Variants in FNDC3A observed in about 807,000 individuals in gnomAD.
FNDC3A encodes the protein fibronectin type III domain containing 3A, also known as fibronectin type-III domain-containing protein 3A.
Under a neutral mutation model 148.9 loss-of-function variants are expected in FNDC3A, and 32 were observed. That is an observed-to-expected ratio of 0.21 (90% CI 0.16 to 0.29). FNDC3A has a LOEUF of 0.29. Among genes scored for constraint, FNDC3A ranks in the 10% least tolerant of loss-of-function variants. The pLI, the probability that FNDC3A is intolerant of heterozygous loss-of-function variation, is 1.00. For missense variants in FNDC3A, 1,191 were observed against 1,452.8 expected, an observed-to-expected ratio of 0.82 and a Z score of 2.93; for synonymous variants, 472 against 473.6, an observed-to-expected ratio of 1.00 and a Z score of 0.04.
At chr13:49,129,173 T>C (rs1881881252) in intron 4 of FNDC3A, among the ~76,000 whole-genome samples, 1 of 152,208 alleles carries the variant, frequency 6.6e-6, no homozygotes, top group Non-Finnish European at 1.5e-5. Context: ...GTGGAGAAGG[T>C]AAAGTTAGAG....
chr13:48,983,952 A>G (rs1671977926), intron 1 of FNDC3A, among the ~76,000 whole-genome samples: 1 of 152,198 alleles, frequency 6.6e-6, no homozygotes, highest in Non-Finnish European at 1.5e-5. Context: ...TACAAATACA[A>G]ATAAATATAA....
chr13:49,054,012 A>T (rs1876047343), intron 2 of FNDC3A, among the ~76,000 whole-genome samples: 1 of 152,108 alleles, frequency 6.6e-6, no homozygotes, highest in Non-Finnish European at 1.5e-5. Context: ...TGTTTCTGCA[A>T]AGAGTCTGTT....
At chr13:49,157,553 G>A (rs1162872417) in intron 8 of FNDC3A, among the ~76,000 whole-genome samples, 368 of 150,686 alleles carry the variant, frequency 2.4e-3, no homozygotes, top group African/African-American at 8.4e-3. Flanking sequence ...GCTTTGTTCC[G>A]TTGCTGGTGA....
At chr13:49,012,009 GA>G (rs1232851070) in intron 2 of FNDC3A, among the ~76,000 whole-genome samples, 1 of 151,954 alleles carries the variant, frequency 6.6e-6, no homozygotes, top group Non-Finnish European at 1.5e-5. Context: ...ACTGTTTATT[GA>G]AAAAACTGTT....
intron 3 of FNDC3A, among the ~76,000 whole-genome samples, chr13:49,104,645 A>C (rs1170794824): frequency 6.6e-6 from 1 of 152,244 alleles, no homozygotes; most frequent in African/African-American, 2.4e-5. Context: ...TATTAAAAAA[A>C]GATCTTCTGT....
intron 2 of FNDC3A, among the ~76,000 whole-genome samples, chr13:49,025,918 C>G (rs948689825): frequency 6.6e-6 from 1 of 152,170 alleles, no homozygotes; most frequent in African/African-American, 2.4e-5. Flanking sequence ...CACATATATA[C>G]TTCTAAATAT....
At chr13:49,170,059 C>G (rs1379787566) in intron 10 of FNDC3A, among the ~76,000 whole-genome samples, 1 of 152,088 alleles carries the variant, frequency 6.6e-6, no homozygotes, top group Non-Finnish European at 1.5e-5. Flanking sequence ...GAAATGTCTG[C>G]CTTTAACAAT....
Position 49,175,386 on chromosome 13 carries a change from T to C in FNDC3A, c.1375T>C (p.Leu459=). ...CAACAGTGGTTTTAGTGAAGAAGTC[T>C]TATATTACACCTCAGGCTGTGCTCC... ...YGTSGFSEEV[L]YYTSGCAPSM... The change falls in exon 13 of 26, where the codon TTA becomes CTA. Residue 459 remains leucine, a synonymous_variant. Transcript: ENST00000492622. The C allele has an allele frequency of 9.4e-6, 15 of 1,587,946 alleles. No homozygotes were observed. Among genetic ancestry groups the C allele is most frequent in the Non-Finnish European group, 1.3e-5 (15 of 1,170,132 alleles).
At position 49,131,246 on chromosome 13, in the gene FNDC3A, G is replaced by T; in HGVS notation, c.362G>T (p.Gly121Val). ...CGTTCTCCACATCCTCCTCTACCTG[G>T]TTTCATTCCTGTCCCAACTATGATG... ...LHRSPHPPLP[G>V]FIPVPTMMPP... Residue 121 changes from glycine (G) to valine (V), a missense_variant, in exon 5 of 26, where the codon GGT becomes GTT. Coordinates refer to ENST00000492622, the MANE Select transcript of FNDC3A (RefSeq NM_001079673.2). 3 of 1,613,872 alleles carry T rather than the reference G, an allele frequency of 1.9e-6. No homozygotes were observed. The East Asian group carries it at 6.7e-5, about 36-fold the overall frequency.
intron 3 of FNDC3A, among the ~76,000 whole-genome samples, chr13:49,110,066 C>A (rs1286404105): frequency 6.6e-6 from 1 of 152,112 alleles, no homozygotes; most frequent in Non-Finnish European, 1.5e-5. Context: ...ATATATATTT[C>A]TGAAAAGTAT....
intron 8 of FNDC3A, among the ~76,000 whole-genome samples, chr13:49,149,125 A>G (rs942779504): frequency 1.3e-5 from 2 of 149,150 alleles, no homozygotes; most frequent in African/African-American, 4.9e-5. Flanking sequence ...ATTTTTCTAC[A>G]TGTAAGATCA....
chr13:49,117,021 A>G (rs949965427), intron 4 of FNDC3A, among the ~76,000 whole-genome samples: 6 of 152,178 alleles, frequency 3.9e-5, no homozygotes, highest in African/African-American at 1.4e-4. Context: ...TGATTCATCA[A>G]GGGAGAATAG....
intron 8 of FNDC3A, among the ~76,000 whole-genome samples, chr13:49,151,809 A>G (rs1312148234): frequency 6.6e-6 from 1 of 152,022 alleles, no homozygotes; most frequent in African/African-American, 2.4e-5. Flanking sequence ...ATTTCCACCT[A>G]TGAGTGAGAA....
rs1241774769 is a variant in FNDC3A at position 49,188,624 on chromosome 13, A to G, written c.1935A>G (p.Gly645=). The G allele has an allele frequency of 1.2e-6, 2 of 1,603,840 alleles. No homozygotes were observed. Among genetic ancestry groups the G allele is most frequent in the Admixed American group, 1.7e-5 (1 of 59,976 alleles). The change falls in exon 17 of 26, where the codon GGA becomes GGG. Residue 645 remains glycine (G), a synonymous_variant. Transcript: ENST00000492622. ...GAGTTTACTGCATCAGTGATGGAGGACAGAGTGCGGTAATACTTATATGTA... is the reference window on the plus strand; with the variant it reads ...GAGTTTACTGCATCAGTGATGGAGGGCAGAGTGCGGTAATACTTATATGTA... ...RLRVYCISDG[G]QSAVSESLLV... is the part of the protein sequence containing the mutation.
At chr13:49,121,654 G>GA (rs1454476456) in intron 4 of FNDC3A, among the ~76,000 whole-genome samples, 1 of 152,104 alleles carries the variant, frequency 6.6e-6, no homozygotes, top group Non-Finnish European at 1.5e-5. Context: ...AATAAAAAAT[G>GA]ATAAAGGGGA....
At chr13:49,197,510 C>A (rs1201944132) in intron 20 of FNDC3A, among the ~76,000 whole-genome samples, 1 of 150,872 alleles carries the variant, frequency 6.6e-6, no homozygotes, top group Non-Finnish European at 1.5e-5. Context: ...ATTTCTACTT[C>A]TAATTCAAAA....
chr13:49,164,611 C>CTT (rs894690567), intron 8 of FNDC3A, among the ~76,000 whole-genome samples: 10 of 146,986 alleles, frequency 6.8e-5, no homozygotes, highest in Non-Finnish European at 1.4e-4. Context: ...TATTCTTCTT[C>CTT]TTTTTTTTTT....
At chr13:49,189,223 C>T (rs1392810091) in intron 17 of FNDC3A, among the ~76,000 whole-genome samples, 3 of 151,578 alleles carry the variant, frequency 2.0e-5, no homozygotes, top group East Asian at 1.9e-4. Flanking sequence ...TGCAGTGGCA[C>T]GATTGGGGCT....
intron 2 of FNDC3A, among the ~76,000 whole-genome samples, chr13:49,057,431 G>T (rs1374284319): frequency 6.6e-6 from 1 of 152,040 alleles, no homozygotes; most frequent in Non-Finnish European, 1.5e-5. Flanking sequence ...AAAGCCATCA[G>T]CCACCCCTCT....
Sources: gnomAD v4.1 joint callset for allele counts (sites outside exome capture counted in the v4.1 genomes callset) on GRCh38, gnomAD v4.1.1 for gene constraint, MANE v1.5 for transcripts, NCBI Gene and HGNC (gene_info 2026-07-23, HGNC 2026-07-21) for gene names.